VPS13B: variants seen among roughly 807,000 people sequenced by gnomAD.
VPS13B encodes the protein vacuolar protein sorting 13 homolog B.
VPS13B carries 285 observed loss-of-function variants against 426.4 expected under a neutral mutation model. That is an observed-to-expected ratio of 0.67 (90% confidence interval 0.61 to 0.74). The LOEUF is 0.74. Among genes scored for constraint, VPS13B ranks in the 30% least tolerant of loss-of-function variants. The probability of loss-of-function intolerance (pLI) is 0.00; values close to 1 mark genes in which losing one functional copy is unlikely to be tolerated. For missense variants in VPS13B, 4,537 were observed against 4,782.6 expected, an observed-to-expected ratio of 0.95 and a Z score of 1.51; for synonymous variants, 1,676 against 1,676.4, an observed-to-expected ratio of 1.00 and a Z score of 0.01.
chr8:99,038,402 T>G (rs1394869959), intron 2 of VPS13B, 21 bp from the exon 3 acceptor site: 8 of 1,575,406 alleles, frequency 5.1e-6, no homozygotes, highest in Non-Finnish European at 6.9e-6. Flanking sequence ...CTAATTTTTA[T>G]GTAATGTTTT....
chr8:99,285,444 T>A (rs530099867), intron 19 of VPS13B, among the ~76,000 whole-genome samples: 2 of 152,150 alleles, frequency 1.3e-5, no homozygotes, highest in Non-Finnish European at 2.9e-5. Flanking sequence ...AGTAGCTTCA[T>A]TAGTAAGTAG....
chr8:99,424,084 G>A (rs937129884), intron 21 of VPS13B, among the ~76,000 whole-genome samples: 2 of 152,126 alleles, frequency 1.3e-5, no homozygotes, highest in Non-Finnish European at 2.9e-5. Context: ...TTATGAATCT[G>A]TGTGCTCCTG....
intron 22 of VPS13B, among the ~76,000 whole-genome samples, chr8:99,438,691 A>G (rs1817528948): frequency 6.6e-6 from 1 of 152,174 alleles, no homozygotes; most frequent in Non-Finnish European, 1.5e-5. Flanking sequence ...TTAAATTTCT[A>G]CTACATATGA....
At chr8:99,617,152 T>C (rs558138630) in intron 33 of VPS13B, among the ~76,000 whole-genome samples, 208 of 152,240 alleles carry the variant, frequency 1.4e-3, no homozygotes, top group African/African-American at 4.6e-3. Flanking sequence ...TTCAGATGAG[T>C]AAATTTGGGA....
intron 23 of VPS13B, among the ~76,000 whole-genome samples, chr8:99,442,990 AATGT>A (rs1817749339): frequency 6.6e-6 from 1 of 152,138 alleles, no homozygotes; most frequent in Non-Finnish European, 1.5e-5. Context: ...TTTATGAATG[AATGT>A]ATTTTAAATA....
chr8:99,139,284 C>G (rs577212549), intron 12 of VPS13B, among the ~76,000 whole-genome samples: 1 of 152,090 alleles, frequency 6.6e-6, no homozygotes, highest in Non-Finnish European at 1.5e-5. Flanking sequence ...CACTGTCTTG[C>G]TTTTGGTTTA....
intron 3 of VPS13B, among the ~76,000 whole-genome samples, chr8:99,051,782 C>T (rs1258971539): frequency 6.6e-6 from 1 of 152,122 alleles, no homozygotes. Context: ...ATTTCATTCT[C>T]TTTGAAGCAA....
chr8:99,816,660 G>A (rs571048763), intron 44 of VPS13B, among the ~76,000 whole-genome samples: 3 of 152,040 alleles, frequency 2.0e-5, no homozygotes, highest in East Asian at 3.9e-4. Flanking sequence ...AAAAGTTAGC[G>A]AGGTGGGGTG....
At chr8:99,077,319 C>CG (rs1845186115) in intron 3 of VPS13B, among the ~76,000 whole-genome samples, 1 of 152,024 alleles carries the variant, frequency 6.6e-6, no homozygotes, top group African/African-American at 2.4e-5. Flanking sequence ...ATTACAGGAA[C>CG]GTGCCACCAC....
At chr8:99,785,515 C>T (rs1247550931) in intron 43 of VPS13B, among the ~76,000 whole-genome samples, 1 of 152,082 alleles carries the variant, frequency 6.6e-6, no homozygotes, top group African/African-American at 2.4e-5. Flanking sequence ...CACTGAAATA[C>T]ATGTCTGTTT....
chr8:99,868,605 G>T, intron 59 of VPS13B, 140 bp downstream of exon 59: 1 of 1,015,010 alleles, frequency 9.9e-7, no homozygotes, highest in Non-Finnish European at 1.5e-6. Flanking sequence ...TATTTACACA[G>T]AGTAGAATTT....
At chr8:99,315,000 G>A (rs1821235691) in intron 19 of VPS13B, among the ~76,000 whole-genome samples, 1 of 151,930 alleles carries the variant, frequency 6.6e-6, no homozygotes, top group Admixed American at 6.6e-5. Context: ...ATCTTTATGT[G>A]TCTTTACAGG....
rs1486311085 is a variant in VPS13B, at chr8:99,467,463, C to T, written c.3495C>T (p.Thr1165=). Residue 1165 remains threonine (T), a synonymous_variant, in exon 24 of 62, where the codon ACC becomes ACT. Coordinates refer to ENST00000357162, the MANE Select transcript of VPS13B (RefSeq NM_152564.5). ...GCTTGCATAATTTCAGCATATATAC[C>T]CTTCTTGGAAAACAAGTGACACTTT... is the stretch of plus-strand genomic sequence containing the variant. The part of the protein sequence containing the change: ...TISLHNFSIY[T]LLGKQVTLCL... 6.2e-7 allele frequency: 1 copy of T among 1,613,468 alleles called. No individual in the cohort carries two copies.
intron 3 of VPS13B, among the ~76,000 whole-genome samples, chr8:99,055,033 G>GTTTTTTTTTTT (rs775826222): frequency 8.2e-5 from 9 of 109,348 alleles, no homozygotes; most frequent in Non-Finnish European, 1.5e-4. Context: ...TTGTATTTCT[G>GTTTTTTTTTTT]TTTTTTTTTT....
chr8:99,134,155 C>T (rs1051327531), intron 8 of VPS13B, among the ~76,000 whole-genome samples: 3 of 152,136 alleles, frequency 2.0e-5, no homozygotes, highest in Non-Finnish European at 2.9e-5. Flanking sequence ...ATGCTTGATT[C>T]TATTTCCTTC....
At position 99,861,960 on chromosome 8, in the gene VPS13B, G is replaced by C. The variant is rs777843630; in HGVS notation, c.11215+14G>C. The C allele has an allele frequency of 6.4e-7, 1 of 1,573,682 alleles. No individual in the cohort carries two copies. The highest frequency in any genetic ancestry group is 1.8e-5 in the Admixed American group (1 of 54,882). ...TCAGCCTGCTTGGTAAGGGGCTGCG[G>C]GGCCTCCCACCTGTCTGTACTCCAG... On this transcript the variant is annotated intron_variant, in intron 58 of 61. Transcript: ENST00000357162.
At chr8:99,659,034 C>T (rs563789378) in intron 34 of VPS13B, among the ~76,000 whole-genome samples, 2 of 152,020 alleles carry the variant, frequency 1.3e-5, no homozygotes, top group Admixed American at 6.6e-5. Context: ...GGGGTTTCAC[C>T]ATGTCACCCA....
At chr8:99,213,076 A>G (rs1815189939) in intron 17 of VPS13B, among the ~76,000 whole-genome samples, 1 of 152,144 alleles carries the variant, frequency 6.6e-6, no homozygotes, top group Non-Finnish European at 1.5e-5. Context: ...TTTGACAGAT[A>G]TTTCTTACCT....
intron 21 of VPS13B, among the ~76,000 whole-genome samples, chr8:99,428,972 C>T (rs1383609260): frequency 6.6e-6 from 1 of 152,076 alleles, no homozygotes; most frequent in Non-Finnish European, 1.5e-5. Flanking sequence ...GAGTTCATGT[C>T]CTTTGTAGGG....
Sources: gnomAD v4.1 joint callset for allele counts (sites outside exome capture counted in the v4.1 genomes callset) on GRCh38, gnomAD v4.1.1 for gene constraint, MANE v1.5 for transcripts, NCBI Gene and HGNC (gene_info 2026-07-23, HGNC 2026-07-21) for gene names.